The following SMG6 variants were observed in gnomAD, a reference collection of about 807,000 sequenced individuals.
SMG6 encodes the protein telomerase-binding protein EST1A.
Under a neutral mutation model 142.2 loss-of-function variants are expected in SMG6, and 66 were observed. The ratio of observed to expected loss-of-function variants is 0.46; its 90% CI spans 0.38 to 0.57. The LOEUF (loss-of-function observed/expected upper bound fraction) is 0.57, where lower values mean the gene tolerates loss of function less well. Among genes scored for constraint, SMG6 ranks in the 20% least tolerant of loss-of-function variants. The pLI is 0.00. For missense variants in SMG6, 1,793 were observed against 1,832.0 expected (o/e 0.98, Z 0.39); for synonymous variants, 779 against 702.4 (o/e 1.11, Z -1.72).
At chr17:2,247,837 T>C (rs774682614) in intron 8 of SMG6, among the ~76,000 whole-genome samples, 1 of 151,564 alleles carries the variant, frequency 6.6e-6, no homozygotes, top group Non-Finnish European at 1.5e-5. Context: ...CTTACGCCTG[T>C]AGTCCCAGCA....
intron 10 of SMG6, among the ~76,000 whole-genome samples, chr17:2,198,522 T>C (rs2072405132): frequency 6.6e-6 from 1 of 152,152 alleles, no homozygotes; most frequent in Non-Finnish European, 1.5e-5. Flanking sequence ...TTAAAGTCAG[T>C]GGATACCAAT....
At chr17:2,061,670 A>AG in intron 18 of SMG6, 48 bp from the exon 19 acceptor site, 1 of 1,544,694 alleles carries the variant, frequency 6.5e-7, no homozygotes, top group South Asian at 1.2e-5. Context: ...CAGGAGGCAG[A>AG]GGGCTGGCTG....
chr17:2,257,292 G>C (rs183897261), intron 8 of SMG6, among the ~76,000 whole-genome samples: 1 of 152,010 alleles, frequency 6.6e-6, no homozygotes, highest in Admixed American at 6.6e-5. Context: ...CACCACGTTG[G>C]CCAGGATGGT....
At chr17:2,240,119 C>G (rs1454558811) in intron 9 of SMG6, 2 of 152,342 alleles carry the variant, frequency 1.3e-5, no homozygotes, top group East Asian at 3.9e-4. Flanking sequence ...GACTCTGTCC[C>G]TATCCTTTAA....
intron 10 of SMG6, among the ~76,000 whole-genome samples, chr17:2,209,521 C>T (rs927809171): frequency 6.6e-6 from 1 of 152,142 alleles, no homozygotes; most frequent in South Asian, 2.1e-4. Context: ...TGTCACCACG[C>T]CCCGGCTAAC....
intron 8 of SMG6, among the ~76,000 whole-genome samples, chr17:2,246,419 A>G (rs1449578405): frequency 2.6e-5 from 4 of 152,232 alleles, no homozygotes; most frequent in African/African-American, 7.2e-5. Context: ...CAGAACATCA[A>G]TCAAGCTATG....
chr17:2,292,047 G>A (rs982571182), intron 6 of SMG6, among the ~76,000 whole-genome samples: 5 of 151,932 alleles, frequency 3.3e-5, no homozygotes, highest in Non-Finnish European at 7.3e-5. Context: ...ACAGTGATTA[G>A]ACCTAGGGAG....
At chr17:2,232,767 T>C (rs2073534571) in intron 10 of SMG6, 1 of 152,156 alleles carries the variant, frequency 6.6e-6, no homozygotes, top group Non-Finnish European at 1.5e-5. Flanking sequence ...GAAAGTTTAG[T>C]TGGTTAAATA....
intron 9 of SMG6, 96 bp downstream of exon 9, chr17:2,244,562 T>G (rs551769324): frequency 1.1e-6 from 1 of 891,638 alleles, no homozygotes; most frequent in African/African-American, 1.6e-5. Flanking sequence ...TCACACCCTG[T>G]GCCCTCAGTT....
intron 13 of SMG6, among the ~76,000 whole-genome samples, chr17:2,138,651 A>G (rs1177473418): frequency 6.6e-6 from 1 of 152,030 alleles, no homozygotes; most frequent in Non-Finnish European, 1.5e-5. Flanking sequence ...ACCCAAGGAA[A>G]CTCTAAGAAT....
chr17:2,251,031 T>A (rs17761837), intron 8 of SMG6, among the ~76,000 whole-genome samples: 39,293 of 151,822 alleles, frequency 0.26, 6,563 homozygotes, highest in Admixed American at 0.36. Context: ...CCACTGGCCA[T>A]TTATGCTCCC....
intron 13 of SMG6, among the ~76,000 whole-genome samples, chr17:2,093,516 T>A (rs894150746): frequency 6.6e-6 from 1 of 152,148 alleles, no homozygotes; most frequent in African/African-American, 2.4e-5. Context: ...GCTGGCATTT[T>A]TTTTTCCTCT....
Position 2,144,074 on chromosome 17 carries a change from T to C in SMG6, c.3357+28584A>G, listed in dbSNP as rs1263864250. Among the ~76,000 whole-genome samples, 4 of 70,056 alleles carry C rather than the reference T, an allele frequency of 5.7e-5. No homozygotes were observed. The South Asian group carries it at 1.6e-3, about 27-fold the overall frequency. The allele number at this position is 70,056 out of a possible 152,430, so 46.0% of individuals were successfully genotyped here. ...CTTTTTTTTTTTTTTTTTTTTTTTTTTGAGATGCAGTTTCACTCTTGTTGC... is the reference window on the plus strand; with the variant it reads ...CTTTTTTTTTTTTTTTTTTTTTTTTCTGAGATGCAGTTTCACTCTTGTTGC... On this transcript the variant is annotated intron_variant, in intron 13 of 18. Coordinates refer to ENST00000263073, the MANE Select transcript of SMG6 (RefSeq NM_017575.5).
intron 15 of SMG6, among the ~76,000 whole-genome samples, chr17:2,073,590 T>C: frequency 6.7e-6 from 1 of 150,288 alleles, no homozygotes; most frequent in East Asian, 2.0e-4. Context: ...ATGCCTGTAA[T>C]CCCAGCTACT....
At chr17:2,103,165 A>G (rs1364959582) in intron 13 of SMG6, among the ~76,000 whole-genome samples, 1 of 152,036 alleles carries the variant, frequency 6.6e-6, no homozygotes, top group East Asian at 1.9e-4. Flanking sequence ...AATTGGGATT[A>G]CTCTCTTTCC....
intron 6 of SMG6, among the ~76,000 whole-genome samples, chr17:2,288,806 G>A (rs1190742308): frequency 2.0e-5 from 3 of 151,494 alleles, no homozygotes; most frequent in African/African-American, 4.9e-5. Flanking sequence ...GCAGCCAGGC[G>A]CGGTGGCTCA....
intron 1 of SMG6, among the ~76,000 whole-genome samples, chr17:2,302,821 G>T (rs2075313589): frequency 6.6e-6 from 1 of 151,704 alleles, no homozygotes; most frequent in Non-Finnish European, 1.5e-5. Context: ...GGGGCGGGGG[G>T]ATGGGGAAAG....
At chr17:2,301,935 G>C (rs1337100700) in intron 1 of SMG6, among the ~76,000 whole-genome samples, 24 of 152,040 alleles carry the variant, frequency 1.6e-4, no homozygotes. Flanking sequence ...ATATTATCAA[G>C]TACACAAATG....
At chr17:2,106,206 C>A (rs908877277) in intron 13 of SMG6, among the ~76,000 whole-genome samples, 3 of 152,186 alleles carry the variant, frequency 2.0e-5, no homozygotes, top group Non-Finnish European at 4.4e-5. Context: ...TCCCTTTCCA[C>A]CCCATCACTT....
Sources: gnomAD v4.1 joint callset for allele counts (sites outside exome capture counted in the v4.1 genomes callset) on GRCh38, gnomAD v4.1.1 for gene constraint, MANE v1.5 for transcripts, NCBI Gene and HGNC (gene_info 2026-07-23, HGNC 2026-07-21) for gene names.